Variants in RARB observed in about 807,000 individuals in gnomAD.
RARB encodes the protein HBV-activated protein.
In RARB, 17 loss-of-function variants were observed where a neutral mutation model predicts 51.9. The ratio of observed to expected loss-of-function variants is 0.33; its 90% CI spans 0.22 to 0.49. The LOEUF (loss-of-function observed/expected upper bound fraction) is 0.49. Ranked by LOEUF, RARB falls within the 20% of genes least tolerant of loss-of-function variation. The probability of loss-of-function intolerance (pLI) is 0.99; values close to 1 mark genes in which losing one functional copy is unlikely to be tolerated. For synonymous variants in RARB, 215 were observed against 195.4 expected, an observed-to-expected ratio of 1.10 and a Z score of -0.84; for missense variants, 369 against 550.8, an observed-to-expected ratio of 0.67 and a Z score of 3.30.
At chr3:25,162,513 A>C (rs1222767766) in intron 4 of RARB, among the ~76,000 whole-genome samples, 1 of 152,188 alleles carries the variant, frequency 6.6e-6, no homozygotes. Flanking sequence ...CACCATCATC[A>C]CAATCTAATT....
chr3:25,075,548 T>C (rs572440881), intron 3 of RARB, among the ~76,000 whole-genome samples: 1 of 152,312 alleles, frequency 6.6e-6, no homozygotes, highest in South Asian at 2.1e-4. Context: ...TCTCTAGCCA[T>C]TGCTACATTA....
At chr3:25,365,355 T>A (rs1490994827) in intron 5 of RARB, among the ~76,000 whole-genome samples, 1 of 151,928 alleles carries the variant, frequency 6.6e-6, no homozygotes, top group Non-Finnish European at 1.5e-5. Flanking sequence ...AAAGTGATCC[T>A]CCTGCCTCGG....
intron 2 of RARB, among the ~76,000 whole-genome samples, chr3:25,047,591 C>A (rs1698242987): frequency 6.6e-6 from 1 of 152,182 alleles, no homozygotes; most frequent in African/African-American, 2.4e-5. Context: ...AGGGCAGTAG[C>A]ATATTTTGGA....
intron 3 of RARB, among the ~76,000 whole-genome samples, chr3:25,553,871 A>G (rs1699942064): frequency 6.6e-6 from 1 of 152,068 alleles, no homozygotes. Flanking sequence ...AGCCTAGAAT[A>G]TTCTTCACCT....
chr3:25,133,044 A>G (rs1430697526), intron 4 of RARB, among the ~76,000 whole-genome samples: 1 of 151,970 alleles, frequency 6.6e-6, no homozygotes, highest in Non-Finnish European at 1.5e-5. Flanking sequence ...CTGCTGGTTA[A>G]ACAATGGCAC....
At chr3:25,108,071 C>G (rs1038301282) in intron 3 of RARB, among the ~76,000 whole-genome samples, 1 of 152,124 alleles carries the variant, frequency 6.6e-6, no homozygotes, top group Non-Finnish European at 1.5e-5. Flanking sequence ...TATTAAATGA[C>G]TAATGGGTGG....
chr3:25,421,448 G>A (rs1301016101), intron 5 of RARB, among the ~76,000 whole-genome samples: 1 of 99,810 alleles, frequency 1.0e-5, no homozygotes, highest in East Asian at 3.3e-4. Flanking sequence ...GTCTTGCTGT[G>A]TTGTCTAGGC....
intron 4 of RARB, among the ~76,000 whole-genome samples, chr3:25,142,860 G>C (rs1158627397): frequency 6.6e-6 from 1 of 152,096 alleles, no homozygotes; most frequent in East Asian, 1.9e-4. Context: ...AGGAATTGCC[G>C]TCTTCAGTAA....
At position 24,914,608 on chromosome 3, in the gene RARB, G is replaced by A. The variant is rs542831326; in HGVS notation, c.-380+55856G>A. The stretch of plus-strand genomic sequence containing the variant: ...ATGCTGTAGTATTTGCATATAACCT[G>A]CACACATCGTCCTGTATACTTTAAA... On this transcript the variant is annotated intron_variant, in intron 2 of 11. Coordinates refer to the RARB transcript ENST00000383772. Among the ~76,000 whole-genome samples, 9 of 152,194 alleles carry A rather than the reference G, an allele frequency of 5.9e-5. No individual in the cohort carries two copies. The South Asian group carries it at 1.5e-3, about 25-fold the overall frequency.
chr3:25,075,586 A>C (rs1354806931), intron 3 of RARB, among the ~76,000 whole-genome samples: 1 of 152,022 alleles, frequency 6.6e-6, no homozygotes, highest in African/African-American at 2.4e-5. Flanking sequence ...TTTTACTGGA[A>C]CTCTGCTAAT....
intron 2 of RARB, among the ~76,000 whole-genome samples, chr3:24,975,249 G>A (rs1057042670): frequency 1.3e-5 from 2 of 152,076 alleles, no homozygotes; most frequent in African/African-American, 4.8e-5. Flanking sequence ...TCTCCCTAAT[G>A]TTAGTTGCTC....
chr3:25,105,969 G>A (rs1340566650), intron 3 of RARB, among the ~76,000 whole-genome samples: 1 of 152,186 alleles, frequency 6.6e-6, no homozygotes, highest in African/African-American at 2.4e-5. Flanking sequence ...TAGTGTGGCT[G>A]TTACTAATCC....
At chr3:24,910,194 T>C (rs1478642762) in intron 2 of RARB, among the ~76,000 whole-genome samples, 1 of 152,192 alleles carries the variant, frequency 6.6e-6, no homozygotes, top group African/African-American at 2.4e-5. Flanking sequence ...TAATTTCACA[T>C]TGAAAAATTG....
chr3:24,954,426 A>T (rs776499267), intron 2 of RARB, among the ~76,000 whole-genome samples: 1 of 152,218 alleles, frequency 6.6e-6, no homozygotes. Flanking sequence ...TGAGTCCTAC[A>T]TGGGAAATTA....
intron 2 of RARB, among the ~76,000 whole-genome samples, chr3:24,875,155 G>GT (rs530216063): frequency 5.5e-4 from 84 of 151,776 alleles, no homozygotes; most frequent in South Asian, 2.1e-4. Flanking sequence ...AAGTCCTTTT[G>GT]TTTTTTTCAT....
chr3:25,506,779 G>C (rs1392661225), intron 3 of RARB, among the ~76,000 whole-genome samples: 1 of 152,256 alleles, frequency 6.6e-6, no homozygotes, highest in East Asian at 1.9e-4. Flanking sequence ...GCCATGGTTT[G>C]CCAATGTCTG....
chr3:25,303,293 G>A (rs1704083094), intron 5 of RARB, among the ~76,000 whole-genome samples: 1 of 152,282 alleles, frequency 6.6e-6, no homozygotes, highest in Non-Finnish European at 1.5e-5. Context: ...ATCCTCCCAA[G>A]TTTGCCAAGC....
At chr3:25,296,465 G>A (rs547028795) in intron 5 of RARB, among the ~76,000 whole-genome samples, 1 of 152,294 alleles carries the variant, frequency 6.6e-6, no homozygotes, top group South Asian at 2.1e-4. Flanking sequence ...GTAACATGTT[G>A]ATTTTAATTG....
chr3:25,428,648 T>C lies in RARB; in HGVS notation c.-84T>C. 1.4e-6 allele frequency: 2 copies of C among 1,479,696 alleles called. No individual in the cohort carries two copies. The highest frequency in any genetic ancestry group is 1.8e-6 in the Non-Finnish European group (2 of 1,103,678). 91.7% of individuals were successfully genotyped at this position (1,479,696 alleles called of 1,614,324 possible). On this transcript the variant is annotated 5_prime_UTR_variant, in exon 1 of 8. The change abolishes an upstream ATG in the 5' untranslated region. Coordinates refer to ENST00000330688, the MANE Select transcript of RARB (RefSeq NM_000965.5). The stretch of plus-strand genomic sequence containing the variant: ...GTGCCAAAAAAGGGGCAGAGTTTGA[T>C]GGAGTTGGGTGGACTTTTCTATGCC...
Sources: allele counts gnomAD v4.1 joint callset (sites outside exome capture counted in the v4.1 genomes callset), GRCh38; gene constraint gnomAD v4.1.1; transcripts MANE v1.5; gene names NCBI Gene and HGNC (gene_info 2026-07-23, HGNC 2026-07-21).